DNAL1: variants seen among roughly 807,000 people sequenced by gnomAD.
DNAL1 encodes dynein axonemal light chain 1.
A neutral mutation model predicts 29.4 loss-of-function variants in DNAL1; 17 were observed. The observed-to-expected ratio is 0.58, with a 90% CI of 0.40 to 0.87. The LOEUF (loss-of-function observed/expected upper bound fraction) is 0.87. Ranked by LOEUF, DNAL1 falls within the 40% of genes least tolerant of loss-of-function variation. The probability of loss-of-function intolerance (pLI) is 0.00; values close to 1 mark genes in which losing one functional copy is unlikely to be tolerated. For synonymous variants in DNAL1, 78 were observed against 76.3 expected (o/e 1.02, Z -0.12); for missense variants, 188 against 214.1 (o/e 0.88, Z 0.76).
At chr14:73,660,548 C>G (rs760818737) in intron 3 of DNAL1, among the ~76,000 whole-genome samples, 1 of 152,140 alleles carries the variant, frequency 6.6e-6, no homozygotes, top group Non-Finnish European at 1.5e-5. Flanking sequence ...CTGATGAAAC[C>G]TAGGAATCTG....
chr14:73,688,959 A>G (rs1288506390), intron 6 of DNAL1, among the ~76,000 whole-genome samples: 7 of 152,172 alleles, frequency 4.6e-5, no homozygotes, highest in African/African-American at 1.7e-4. Flanking sequence ...ATTGTCATGA[A>G]TAGTCACAAA....
intron 5 of DNAL1, among the ~76,000 whole-genome samples, chr14:73,677,864 TTATATATATATA>T (rs35545274): frequency 7.6e-6 from 1 of 130,822 alleles, no homozygotes; most frequent in Non-Finnish European, 1.6e-5. Context: ...GCCCATATAT[TTATATATATATA>T]TATATATTTG....
chr14:73,679,879 CTTTT>C (rs142899983), intron 5 of DNAL1, among the ~76,000 whole-genome samples: 1 of 143,728 alleles, frequency 7.0e-6, no homozygotes, highest in African/African-American at 2.5e-5. Context: ...GGTATCATGT[CTTTT>C]TTTTTTTTCT....
intron 1 of DNAL1, among the ~76,000 whole-genome samples, chr14:73,648,514 G>C (rs770440029): frequency 1.4e-5 from 2 of 147,878 alleles, no homozygotes; most frequent in African/African-American, 5.0e-5. Context: ...TCCACCTCCC[G>C]GGATCCTCCC....
chr14:73,679,017 G>A (rs978611456), intron 5 of DNAL1, among the ~76,000 whole-genome samples: 12 of 152,102 alleles, frequency 7.9e-5, no homozygotes, highest in Non-Finnish European at 1.5e-4. Context: ...ATTTTTTTGA[G>A]ACGGAGTCTC....
chr14:73,694,237 T>TATAAATAAATAA (rs56225198), intron 7 of DNAL1, among the ~76,000 whole-genome samples: 4,065 of 128,054 alleles, frequency 0.032, 78 homozygotes, highest in East Asian at 0.087. Flanking sequence ...AAGCCCTGTC[T>TATAAATAAATAA]ATAAATAAAT....
intron 6 of DNAL1, among the ~76,000 whole-genome samples, chr14:73,688,604 C>G (rs1348902980): frequency 2.0e-5 from 3 of 151,960 alleles, no homozygotes; most frequent in Admixed American, 6.6e-5. Flanking sequence ...GCCTGGGTGA[C>G]AGAAGGAGAC....
intron 1 of DNAL1, chr14:73,653,302 G>A (rs566919120): frequency 9.9e-5 from 15 of 152,250 alleles, no homozygotes; most frequent in East Asian, 9.6e-4. Context: ...CAGAGTATGC[G>A]TGTGACCTTT....
At chr14:73,692,830 A>T (rs1892206751) in intron 7 of DNAL1, among the ~76,000 whole-genome samples, 1 of 150,890 alleles carries the variant, frequency 6.6e-6, no homozygotes, top group African/African-American at 2.4e-5. Flanking sequence ...CATAAGCAAA[A>T]CTGAGGGATC....
chr14:73,649,080 A>G (rs114816433), intron 1 of DNAL1, among the ~76,000 whole-genome samples: 3 of 151,622 alleles, frequency 2.0e-5, no homozygotes, highest in Middle Eastern at 3.4e-3. Context: ...GGTTCAAGCA[A>G]TTCTCCTCGT....
chr14:73,664,284 T>TCC (rs1411919766), intron 4 of DNAL1, among the ~76,000 whole-genome samples: 1 of 152,200 alleles, frequency 6.6e-6, no homozygotes, highest in Non-Finnish European at 1.5e-5. Context: ...CTAATTGATC[T>TCC]CCTTTCCTCC....
intron 5 of DNAL1, among the ~76,000 whole-genome samples, chr14:73,677,884 T>TTGTGTGTGTGTGTGTGTGTG (rs566825653): frequency 2.1e-4 from 20 of 96,132 alleles, no homozygotes; most frequent in Admixed American, 1.7e-3. Context: ...ATATATATAT[T>TTGTGTGTGTGTGTGTGTGTG]TGTGTGTGTG....
chr14:73,669,398 TC>T (rs1891565438), intron 4 of DNAL1, among the ~76,000 whole-genome samples: 1 of 152,070 alleles, frequency 6.6e-6, no homozygotes, highest in African/African-American at 2.4e-5. Context: ...TGCCTCAGCC[TC>T]CCAAGTAGCT....
intron 6 of DNAL1, among the ~76,000 whole-genome samples, chr14:73,688,269 C>G (rs1892070494): frequency 6.6e-6 from 1 of 152,118 alleles, no homozygotes; most frequent in South Asian, 2.1e-4. Context: ...TCAAGAAGTT[C>G]ACAGCTTAGT....
intron 1 of DNAL1, among the ~76,000 whole-genome samples, chr14:73,648,418 TTG>T (rs1891032134): frequency 1.1e-4 from 1 of 9,430 alleles, no homozygotes; most frequent in African/African-American, 5.9e-4. Flanking sequence ...ATATATATAT[TTG>T]TTGTTTGTTT....
chr14:73,678,292 T>A (rs144592723), intron 5 of DNAL1, among the ~76,000 whole-genome samples: 27 of 152,278 alleles, frequency 1.8e-4, no homozygotes, highest in African/African-American at 6.3e-4. Flanking sequence ...TTTATCTTTT[T>A]CTTACTGAAT....
At chr14:73,648,652 C>T (rs1175834904) in intron 1 of DNAL1, among the ~76,000 whole-genome samples, 2 of 147,384 alleles carry the variant, frequency 1.4e-5, no homozygotes, top group South Asian at 2.1e-4. Context: ...TGGACTCAGG[C>T]GATATGGCCA....
chr14:73,676,488 A>G (rs1425108987), intron 5 of DNAL1, among the ~76,000 whole-genome samples: 1 of 152,046 alleles, frequency 6.6e-6, no homozygotes, highest in Non-Finnish European at 1.5e-5. Flanking sequence ...ATAGTGTACA[A>G]GCCATTTTTT....
rs1892345191 is a variant in DNAL1, at chr14:73,698,076, A to C, written c.*2134A>C. ...ATAGGAAGTAAGTGATTTCATATTGAATTTATTTGTAAAATGGCTTAGAGT... is the reference window on the plus strand; with the variant it reads ...ATAGGAAGTAAGTGATTTCATATTGCATTTATTTGTAAAATGGCTTAGAGT... On this transcript the variant is annotated 3_prime_UTR_variant, in exon 8 of 8. Transcript: ENST00000553645. 1 of 152,196 alleles carries C rather than the reference A, an allele frequency of 6.6e-6. No individual in the cohort carries two copies. The highest frequency in any genetic ancestry group is 1.5e-5 in the Non-Finnish European group (1 of 68,032). 9.4% of individuals were successfully genotyped at this position (152,196 alleles called of 1,614,324 possible). A position where few individuals can be genotyped will look rare whatever the true frequency, so the allele number is the denominator to read the frequency against.
Sources: allele counts gnomAD v4.1 joint callset (sites outside exome capture counted in the v4.1 genomes callset), GRCh38; gene constraint gnomAD v4.1.1; transcripts MANE v1.5; gene names NCBI Gene and HGNC (gene_info 2026-07-23, HGNC 2026-07-21).